Variants in PLK4 observed in about 807,000 individuals in gnomAD.
PLK4 encodes the protein polo like kinase 4.
In PLK4, 51 loss-of-function variants were observed where a neutral mutation model predicts 103.0. The ratio of observed to expected loss-of-function variants is 0.50; its 90% CI spans 0.40 to 0.63. The LOEUF (loss-of-function observed/expected upper bound fraction) is 0.63, where lower values mean the gene tolerates loss of function less well. Among genes scored for constraint, PLK4 ranks in the 20% least tolerant of loss-of-function variants. The probability of loss-of-function intolerance (pLI) is 0.00; values close to 1 mark genes in which losing one functional copy is unlikely to be tolerated. For missense variants in PLK4, 1,054 were observed against 1,151.0 expected, an observed-to-expected ratio of 0.92 and a Z score of 1.22; for synonymous variants, 389 against 376.8, an observed-to-expected ratio of 1.03 and a Z score of -0.38.
Position 127,881,927 on chromosome 4 carries a change from G to T in PLK4, c.126+1G>T, listed in dbSNP as rs1456235557. On this transcript the variant is annotated splice_donor_variant, in intron 2 of 15. Transcript: ENST00000270861. LOFTEE classifies it high-confidence loss of function. ...TGGTTTGGAAGTTGCAATCAAAATG[G>T]TAAGAATAAACTAATCAACTTCTCT... The T allele has an allele frequency of 1.3e-6, 2 of 1,535,396 alleles. No individual in the cohort carries two copies. Among genetic ancestry groups the T allele is most frequent in the Non-Finnish European group, 9.0e-7 (1 of 1,108,308 alleles).
chr4:127,886,157 C>G lies in PLK4; in HGVS notation c.787C>G (p.Pro263Ala). 1 of 1,613,914 alleles carries G rather than the reference C, an allele frequency of 6.2e-7. No homozygotes were observed. The highest frequency in any genetic ancestry group is 8.5e-7 in the Non-Finnish European group (1 of 1,179,812). The change falls in exon 5 of 16, where the codon CCT becomes GCT. Residue 263 changes from proline to alanine, a missense_variant. Physicochemically the swap from Pro to Ala is conservative, Grantham distance 27. Transcript: ENST00000270861. ...AAGTCTGTCTTCAGTATTGGACCAT[C>G]CTTTTATGTCCCGAAATTCTTCAAC... The part of the protein sequence containing the change: ...RLSLSSVLDH[P>A]FMSRNSSTKS...
rs1228880138 is a variant in PLK4 at position 127,896,859 on chromosome 4, C to T, written c.2762C>T (p.Ala921Val). The T allele has an allele frequency of 6.2e-7, 1 of 1,612,280 alleles. No homozygotes were observed. The highest frequency in any genetic ancestry group is 1.1e-5 in the South Asian group (1 of 91,014). ...FNDGSQLVVQ[A>V]GVSSISYTSP... is the part of the protein sequence containing the mutation. Reference sequence around the variant, plus strand: ...GATGGGTCCCAGTTGGTTGTGCAGGCAGGAGTGTCTTCTATCAGTTATACC... The same window carrying T: ...GATGGGTCCCAGTTGGTTGTGCAGGTAGGAGTGTCTTCTATCAGTTATACC... The change falls in exon 15 of 16, where the codon GCA becomes GTA. Residue 921 changes from alanine to valine, a missense_variant. This residue lies in a region of PLK4 where 167 missense variants were observed against 200.7 expected (regional missense o/e 0.83). Transcript: ENST00000270861.
At chr4:127,897,410 T>C (rs371687383) in intron 15 of PLK4, among the ~76,000 whole-genome samples, 22 of 152,316 alleles carry the variant, frequency 1.4e-4, no homozygotes, top group Non-Finnish European at 2.5e-4. Flanking sequence ...AAATAAAGAA[T>C]CTGGCAATAT....
Position 127,896,831 on chromosome 4 carries a change from A to G in PLK4, c.2734A>G (p.Asn912Asp), listed in dbSNP as rs1166089415. ...LTSGAVWVQF[N>D]DGSQLVVQAG... ...TAGTGGAGCTGTGTGGGTTCAGTTT[A>G]ATGATGGGTCCCAGTTGGTTGTGCA... Residue 912 changes from asparagine (N) to aspartate (D), a missense_variant, in exon 15 of 16, where the codon AAT (asparagine) becomes GAT (aspartate). Physicochemically the swap from Asn to Asp is conservative, Grantham distance 23. Around this residue, in one of 4 missense-constraint regions of PLK4, gnomAD observed 167 missense variants for 200.7 expected, o/e 0.83. Coordinates refer to ENST00000270861, the MANE Select transcript of PLK4 (RefSeq NM_014264.5). 6.2e-7 allele frequency: 1 copy of G among 1,610,368 alleles called. No homozygotes were observed. The highest frequency in any genetic ancestry group is 1.1e-5 in the South Asian group (1 of 90,978).
rs748018322 is a variant in PLK4, at chr4:127,886,591, G to A, written c.1221G>A (p.Val407=). 24 of 1,613,972 alleles carry A rather than the reference G, an allele frequency of 1.5e-5. No homozygotes were observed. In the Admixed American group the frequency reaches 2.7e-4, roughly 18 times the overall value. Residue 407 remains valine, a synonymous_variant, in exon 5 of 16, where the codon GTG becomes GTA. Transcript: ENST00000270861. ...GTCACTCAGCAGAAATGCTTTCAGTGTCCAAAAGATCAGGAGGAGGTGAAA... is the reference window on the plus strand; with the variant it reads ...GTCACTCAGCAGAAATGCTTTCAGTATCCAAAAGATCAGGAGGAGGTGAAA... ...ERCHSAEMLS[V]SKRSGGGENE... is the part of the protein sequence containing the mutation.
rs1207830799 is a variant in PLK4, at chr4:127,883,535, C to T, written c.319C>T (p.Pro107Ser). The change falls in exon 4 of 16, where the codon CCC (proline) becomes TCC (serine). Residue 107 changes from proline (P) to serine (S), a missense_variant. By Grantham distance (74) the Pro-to-Ser change is moderately conservative. Coordinates refer to ENST00000270861, the MANE Select transcript of PLK4 (RefSeq NM_014264.5). ...CAGGTATCTAAAGAATAGAGTGAAACCCTTCTCAGAAAATGAAGGTAGGTG... is the reference window on the plus strand; with the variant it reads ...CAGGTATCTAAAGAATAGAGTGAAATCCTTCTCAGAAAATGAAGGTAGGTG... ...MNRYLKNRVK[P>S]FSENEARHFM... 1.3e-6 allele frequency: 2 copies of T among 1,491,806 alleles called. No homozygotes were observed. Among genetic ancestry groups the T allele is most frequent in the Non-Finnish European group, 9.3e-7 (1 of 1,075,734 alleles). 92.4% of individuals were successfully genotyped at this position (1,491,806 alleles called of 1,614,324 possible).
intron 14 of PLK4, among the ~76,000 whole-genome samples, chr4:127,895,696 C>T (rs1031781480): frequency 1.3e-5 from 2 of 151,942 alleles, no homozygotes; most frequent in Non-Finnish European, 2.9e-5. Flanking sequence ...GCTGAGATTA[C>T]AGGCGTGAGC....
Position 127,887,422 on chromosome 4 carries a change from C to T in PLK4, c.1385C>T (p.Thr462Ile). 1 of 1,610,236 alleles carries T rather than the reference C, an allele frequency of 6.2e-7. No individual in the cohort carries two copies. Among genetic ancestry groups the T allele is most frequent in the South Asian group, 1.1e-5 (1 of 90,664 alleles). Residue 462 changes from threonine (T) to isoleucine (I), a missense_variant, in exon 6 of 16, where the codon ACT becomes ATT. Physicochemically the swap from Thr to Ile is moderately conservative, Grantham distance 89 (BLOSUM62 -1). Around this residue, in one of 4 missense-constraint regions of PLK4, gnomAD observed 680 missense variants for 660.3 expected, o/e 1.03. Coordinates refer to ENST00000270861, the MANE Select transcript of PLK4 (RefSeq NM_014264.5). ...ALSNHLCPGK[T>I]PFPFADPTPQ... ...TCCAATCATCTTTGTCCAGGAAAAA[C>T]TCCTTTTCCATTTGCAGACCCGACA... is the stretch of plus-strand genomic sequence containing the variant.
At chr4:127,885,207 C>T (rs189721103) in intron 4 of PLK4, among the ~76,000 whole-genome samples, 32 of 152,038 alleles carry the variant, frequency 2.1e-4, no homozygotes, top group African/African-American at 5.8e-4. Context: ...AGGCCAGGCG[C>T]GGTGGCTCAA....
intron 2 of PLK4, among the ~76,000 whole-genome samples, chr4:127,882,251 C>A (rs113599617): frequency 4.9e-4 from 74 of 152,170 alleles, no homozygotes; most frequent in African/African-American, 1.6e-3. Context: ...TTTGTATTTC[C>A]CTGTAACATA....
At chr4:127,883,046 G>A (rs1234493335) in intron 2 of PLK4, among the ~76,000 whole-genome samples, 1 of 152,028 alleles carries the variant, frequency 6.6e-6, no homozygotes, top group Non-Finnish European at 1.5e-5. Context: ...TATTTAAATT[G>A]AGATAGGATA....
At chr4:127,893,627 C>T (rs1735448953) in intron 12 of PLK4, 23 bp downstream of exon 12, 1 of 1,587,140 alleles carries the variant, frequency 6.3e-7, no homozygotes, top group Admixed American at 1.8e-5. Flanking sequence ...AAATTTTAAA[C>T]ATATGGCTAA....
chr4:127,890,074 C>A lies in PLK4; in HGVS notation c.1668C>A (p.Ile556=). 3 of 1,613,966 alleles carry A rather than the reference C, an allele frequency of 1.9e-6. No homozygotes were observed. The highest frequency in any genetic ancestry group is 2.5e-6 in the Non-Finnish European group (3 of 1,179,886). The change falls in exon 7 of 16, where the codon ATC becomes ATA. Residue 556 remains isoleucine, a synonymous_variant. Transcript: ENST00000270861. ...CACTTCACAGTAAACCTGAGATAAT[C>A]CAACAAGAATGTGTTTTTGGCTCAG... ...MTALHSKPEI[I]QQECVFGSDP... is the part of the protein sequence containing the mutation.
Position 127,886,478 on chromosome 4 carries a change from T to C in PLK4, c.1108T>C (p.Ser370Pro). 2 of 1,614,070 alleles carry C rather than the reference T, an allele frequency of 1.2e-6. No homozygotes were observed. Among genetic ancestry groups the C allele is most frequent in the Non-Finnish European group, 8.5e-7 (1 of 1,179,936 alleles). The change falls in exon 5 of 16, where the codon TCT becomes CCT. Residue 370 changes from serine (S) to proline (P), a missense_variant. Ser to Pro is a moderately conservative substitution (Grantham distance 74). This residue lies in a region of PLK4 where 680 missense variants were observed against 660.3 expected (regional missense o/e 1.03). Transcript: ENST00000270861. ...VIQDAEERPHSRYLRRAYSSD... is the reference protein window; with the variant it reads ...VIQDAEERPHPRYLRRAYSSD... ...TCAAGATGCAGAAGAAAGGCCACAT[T>C]CTCGATACCTTCGTAGAGCTTATTC...
chr4:127,892,053 TCA>T (rs1300328308), intron 9 of PLK4: 6 of 229,090 alleles, frequency 2.6e-5, no homozygotes, highest in Admixed American at 5.5e-5. Context: ...CCCCTGTGAC[TCA>T]CAAATTTGTG....
chr4:127,887,320 C>T (rs1023657598), intron 5 of PLK4, 76 bp from the exon 6 acceptor site: 3 of 742,654 alleles, frequency 4.0e-6, no homozygotes, highest in Admixed American at 2.5e-5. Flanking sequence ...AGAAATCCTT[C>T]TCTAATATTT....
In PLK4 at chr4:127,885,762, G is replaced by T. The variant is rs1256069344; in HGVS notation, c.392G>T (p.Gly131Val). 1 of 1,612,898 alleles carries T rather than the reference G, an allele frequency of 6.2e-7. No individual in the cohort carries two copies. Among genetic ancestry groups the T allele is most frequent in the Non-Finnish European group, 8.5e-7 (1 of 1,179,168 alleles). The change falls in exon 5 of 16, where the codon GGT (glycine) becomes GTT (valine). Residue 131 changes from glycine (G) to valine (V), a missense_variant. Coordinates refer to ENST00000270861, the MANE Select transcript of PLK4 (RefSeq NM_014264.5). ...GGGATGTTGTATCTTCATTCTCATG[G>T]TATACTACACCGGGACCTCACACTT... ...ITGMLYLHSH[G>V]ILHRDLTLSN...
chr4:127,888,211 A>AAAAAAC (rs1735217363), intron 6 of PLK4, among the ~76,000 whole-genome samples: 2 of 144,580 alleles, frequency 1.4e-5, no homozygotes, highest in Admixed American at 7.0e-5. Flanking sequence ...AAAAAAAAAA[A>AAAAAAC]AGCATTTTCA....
chr4:127,895,884 C>A (rs1365873110), intron 14 of PLK4, among the ~76,000 whole-genome samples: 1 of 152,106 alleles, frequency 6.6e-6, no homozygotes, highest in Non-Finnish European at 1.5e-5. Context: ...GGCAACAAAG[C>A]AAGACCCCAT....
Sources: gnomAD v4.1 joint callset for allele counts (sites outside exome capture counted in the v4.1 genomes callset) on GRCh38, gnomAD v4.1.1 for gene constraint, gnomAD v4.1.1 regional missense constraint, MANE v1.5 for transcripts, NCBI Gene and HGNC (gene_info 2026-07-23, HGNC 2026-07-21) for gene names.